FSAF1: variants seen among roughly 807,000 people sequenced by gnomAD.
The protein encoded by FSAF1 is 40S small subunit processome assembly factor 1.
chr1:231,232,656 G>A, the FSAF1 span, among the ~76,000 whole-genome samples: 1 of 152,126 alleles, frequency 6.6e-6, no homozygotes, highest in African/African-American at 2.4e-5. Context: ...CAAGGGAGAG[G>A]GATATGTATG....
At chr1:231,240,866 G>C in the FSAF1 span, among the ~76,000 whole-genome samples, 1 of 152,218 alleles carries the variant, frequency 6.6e-6, no homozygotes. This position sits in a 1 kb window ranked among gnomAD's most constrained non-coding sequence, Gnocchi z 4.1. Context: ...ACTTCCGATG[G>C]AGAAATGTGT....
the FSAF1 span, among the ~76,000 whole-genome samples, chr1:231,232,043 G>C: frequency 6.6e-6 from 1 of 151,754 alleles, no homozygotes. Context: ...ACAAACTTTT[G>C]GGAAAAAAAA....
the FSAF1 span, chr1:231,224,738 C>T: frequency 3.3e-6 from 1 of 302,604 alleles, no homozygotes; most frequent in Non-Finnish European, 6.1e-6. Context: ...TTTTCCTTCA[C>T]AATGCTCTCT....
the FSAF1 span, chr1:231,225,611 T>C: frequency 8.8e-7 from 1 of 1,133,616 alleles, no homozygotes; most frequent in African/African-American, 1.5e-5. Context: ...CAAAAGTCAT[T>C]GAGATACCAT....
the FSAF1 span, among the ~76,000 whole-genome samples, chr1:231,233,867 T>G: frequency 5.6e-4 from 86 of 152,342 alleles, no homozygotes; most frequent in African/African-American, 2.0e-3. Flanking sequence ...AAATGATTTT[T>G]AAAAGCTTCA....
At chr1:231,238,836 A>G in the FSAF1 span, 54 of 1,593,030 alleles carry the variant, frequency 3.4e-5, no homozygotes, top group Non-Finnish European at 4.5e-5. Flanking sequence ...CCACGTATAT[A>G]TAAGCTAACC....
the FSAF1 span, chr1:231,227,098 G>A: frequency 5.6e-6 from 9 of 1,607,472 alleles, no homozygotes; most frequent in Middle Eastern, 1.6e-4. Context: ...TCAGACGCAA[G>A]TGCATTCCAA....
the FSAF1 span, among the ~76,000 whole-genome samples, chr1:231,239,639 C>T: frequency 6.6e-6 from 1 of 152,174 alleles, no homozygotes. Context: ...ATTTGAATGC[C>T]TTTGTTTTCT....
At chr1:231,239,326 T>G in the FSAF1 span, 1 of 714,772 alleles carries the variant, frequency 1.4e-6, no homozygotes, top group Non-Finnish European at 2.1e-6. Context: ...AACTATTTGT[T>G]TTCTTTCAAA....
the FSAF1 span, among the ~76,000 whole-genome samples, chr1:231,227,585 G>GTTTTT: frequency 2.7e-4 from 28 of 102,104 alleles, no homozygotes; most frequent in Non-Finnish European, 4.0e-4. Flanking sequence ...CTCGCCCACG[G>GTTTTT]TTTTTTTTTT....
the FSAF1 span, chr1:231,224,713 A>G: frequency 3.0e-6 from 1 of 331,902 alleles, no homozygotes; most frequent in Non-Finnish European, 5.5e-6. Flanking sequence ...TTCCCAGCTC[A>G]CCTTCTCCCT....
At chr1:231,236,449 C>T in the FSAF1 span, among the ~76,000 whole-genome samples, 13 of 151,946 alleles carry the variant, frequency 8.6e-5, no homozygotes, top group African/African-American at 1.9e-4. Context: ...AAGTTCAAAA[C>T]GTAGAGTGAG....
the FSAF1 span, chr1:231,241,149 C>T: frequency 6.2e-7 from 1 of 1,604,520 alleles, no homozygotes; most frequent in East Asian, 2.2e-5. Context: ...CATTCTGCCG[C>T]GCTGCACCCC....
chr1:231,224,743 C>T, the FSAF1 span: 33 of 293,790 alleles, frequency 1.1e-4, no homozygotes, highest in African/African-American at 6.9e-4. Context: ...CTTCACAATG[C>T]TCTCTTTCAG....
At chr1:231,232,508 C>A in the FSAF1 span, among the ~76,000 whole-genome samples, 1 of 152,190 alleles carries the variant, frequency 6.6e-6, no homozygotes, top group African/African-American at 2.4e-5. Flanking sequence ...GCACAGGAGA[C>A]CTGCCTCTGC....
At chr1:231,226,667 C>T in the FSAF1 span, 20 of 1,370,522 alleles carry the variant, frequency 1.5e-5, no homozygotes, top group African/African-American at 8.6e-5. Flanking sequence ...CAGCGGCTTC[C>T]GGCATTCCAC....
chr1:231,227,217 C>T, the FSAF1 span: 5 of 798,508 alleles, frequency 6.3e-6, no homozygotes, highest in South Asian at 3.3e-5. Context: ...GTCAAAGGAG[C>T]TCTATGGAGG....
the FSAF1 span, among the ~76,000 whole-genome samples, chr1:231,229,760 T>G: frequency 6.6e-6 from 1 of 152,168 alleles, no homozygotes; most frequent in African/African-American, 2.4e-5. Context: ...TGTGCATGAT[T>G]CCATTTTATG....
chr1:231,227,879 G>A, the FSAF1 span, among the ~76,000 whole-genome samples: 19 of 152,058 alleles, frequency 1.2e-4, no homozygotes, highest in Admixed American at 3.3e-4. Context: ...ATGAGCCACC[G>A]CGCCCCGCCC....
Sources: allele counts gnomAD v4.1 joint callset (sites outside exome capture counted in the v4.1 genomes callset), GRCh38; gene constraint gnomAD v4.1.1; non-coding constraint Gnocchi (gnomAD v3.1); transcripts MANE v1.5; gene names NCBI Gene and HGNC (gene_info 2026-07-23, HGNC 2026-07-21).